CMIP: variants seen among roughly 807,000 people sequenced by gnomAD.
The protein encoded by CMIP is C-Maf-inducing protein.
In CMIP, 13 loss-of-function variants were observed where a neutral mutation model predicts 97.3. The observed-to-expected ratio is 0.13, with a 90% confidence interval of 0.09 to 0.21. The LOEUF (loss-of-function observed/expected upper bound fraction) is 0.21, where lower values mean the gene tolerates loss of function less well. Among genes scored for constraint, CMIP ranks in the 10% least tolerant of loss-of-function variants. The pLI is 1.00. For synonymous variants in CMIP, 538 were observed against 436.3 expected, an observed-to-expected ratio of 1.23 and a Z score of -2.91; for missense variants, 847 against 1,024.9, an observed-to-expected ratio of 0.83 and a Z score of 2.37.
At chr16:81,667,233 A>C (rs1468855058) in intron 7 of CMIP, 2 of 152,234 alleles carry the variant, frequency 1.3e-5, no homozygotes, top group African/African-American at 4.8e-5. Flanking sequence ...TGAGAGTCTC[A>C]AAGAATGTTC....
At chr16:81,513,291 G>C (rs2089849411) in intron 1 of CMIP, among the ~76,000 whole-genome samples, 1 of 152,232 alleles carries the variant, frequency 6.6e-6, no homozygotes, top group Non-Finnish European at 1.5e-5. Flanking sequence ...CTATTCAGAG[G>C]AGCCGCCTTT....
At chr16:81,696,740 C>T (rs770359563) in intron 14 of CMIP, 73 bp downstream of exon 14, 9 of 1,390,928 alleles carry the variant, frequency 6.5e-6, no homozygotes, top group African/African-American at 1.4e-5. Flanking sequence ...GTAAAACAGC[C>T]GTCCCCCATC....
At chr16:81,452,582 G>A (rs1021471207) in intron 1 of CMIP, among the ~76,000 whole-genome samples, 1 of 152,076 alleles carries the variant, frequency 6.6e-6, no homozygotes, top group Non-Finnish European at 1.5e-5. Context: ...TAGTGGTCAG[G>A]GAAGCGGGTG....
chr16:81,594,862 C>T lies in CMIP; in HGVS notation c.301-12705C>T, dbSNP rs190355919. ...AGCCAGAATGGTCTCAATCTCCTGACCTCATGATCCGCCCGCCTCGGCCTC... is the reference window on the plus strand; with the variant it reads ...AGCCAGAATGGTCTCAATCTCCTGATCTCATGATCCGCCCGCCTCGGCCTC... On this transcript the variant is annotated intron_variant, in intron 1 of 20. Coordinates refer to ENST00000537098, the MANE Select transcript of CMIP (RefSeq NM_198390.3). Among the ~76,000 whole-genome samples, 635 of 149,354 alleles carry T rather than the reference C, an allele frequency of 4.3e-3. 4 individuals are homozygous for T. Among genetic ancestry groups the T allele is most frequent in the African/African-American group, 0.015 (601 of 40,432 alleles).
chr16:81,594,554 C>G lies in CMIP; in HGVS notation c.301-13013C>G, dbSNP rs183864167. ...TGGATGCCTGAGACCTCGAATAGTA[C>G]TAAATCCTATATACACTGTGTTTTT... On this transcript the variant is annotated intron_variant, in intron 1 of 20. Transcript: ENST00000537098. 4.6e-5 allele frequency among the ~76,000 whole-genome samples: 7 copies of G among 152,244 alleles called. No homozygotes were observed. In the East Asian group the frequency reaches 1.4e-3, roughly 30 times the overall value.
At chr16:81,508,111 A>G (rs7206497) in intron 1 of CMIP, among the ~76,000 whole-genome samples, 2,190 of 152,362 alleles carry the variant, frequency 0.014, 52 homozygotes, top group African/African-American at 0.05. Context: ...AGACAAAGTG[A>G]GTGCTACATC....
intron 1 of CMIP, among the ~76,000 whole-genome samples, chr16:81,482,823 G>A (rs75102891): frequency 4.6e-5 from 7 of 152,230 alleles, no homozygotes; most frequent in Non-Finnish European, 1.5e-5. Flanking sequence ...CTGTAAAATG[G>A]GGGTGAGATA....
intron 3 of CMIP, among the ~76,000 whole-genome samples, chr16:81,629,068 G>A (rs994739791): frequency 1.3e-4 from 19 of 149,388 alleles, no homozygotes; most frequent in African/African-American, 4.0e-4. Flanking sequence ...CCCGGGAGGC[G>A]GAGGTTGCAG....
At chr16:81,459,729 G>T (rs1906789884) in intron 1 of CMIP, among the ~76,000 whole-genome samples, 1 of 152,172 alleles carries the variant, frequency 6.6e-6, no homozygotes. Flanking sequence ...GTGCTCTCTG[G>T]ATTTTATAGA....
At chr16:81,530,034 C>G (rs556221447) in intron 1 of CMIP, among the ~76,000 whole-genome samples, 39 of 152,292 alleles carry the variant, frequency 2.6e-4, no homozygotes, top group African/African-American at 9.4e-4. Flanking sequence ...GGGTTTTTGG[C>G]TGGGGACAGT....
rs148316254 is a variant in CMIP, at chr16:81,572,836, G to A, written c.301-34731G>A. Among the ~76,000 whole-genome samples, 9 of 152,238 alleles carry A rather than the reference G, an allele frequency of 5.9e-5. No individual in the cohort carries two copies. The East Asian group carries it at 1.7e-3, about 29-fold the overall frequency. On this transcript the variant is annotated intron_variant, in intron 1 of 20. Coordinates refer to ENST00000537098, the MANE Select transcript of CMIP (RefSeq NM_198390.3). ...AGCTTGGTGCCCACCCTGCTAGCCTGCCTGGGACTTCCCCAGCATTAGCAC... is the reference window on the plus strand; with the variant it reads ...AGCTTGGTGCCCACCCTGCTAGCCTACCTGGGACTTCCCCAGCATTAGCAC...
chr16:81,703,466 CACAG>C lies in CMIP; in HGVS notation c.1945-469_1945-466del, dbSNP rs1204882665. 2.0e-5 allele frequency among the ~76,000 whole-genome samples: 3 copies of C among 152,080 alleles called. No individual in the cohort carries two copies. In the East Asian group the frequency reaches 5.8e-4, roughly 29 times the overall value. ...AGGCAGCCAGTCACACACCCTGATG[CACAG>C]ACACAGACACACAGAGACACACCAA... On this transcript the variant is annotated intron_variant, in intron 17 of 20. Transcript: ENST00000537098.
At chr16:81,496,566 G>A (rs1450249324) in intron 1 of CMIP, among the ~76,000 whole-genome samples, 1 of 152,190 alleles carries the variant, frequency 6.6e-6, no homozygotes, top group African/African-American at 2.4e-5. Flanking sequence ...AATGGATGAC[G>A]ATGTCTCAAA....
rs371649139 is a variant in CMIP at position 81,677,765 on chromosome 16, A to T, written c.1035-510A>T. 1.3e-4 allele frequency among the ~76,000 whole-genome samples: 20 copies of T among 152,314 alleles called. No homozygotes were observed. In the East Asian group the frequency reaches 3.7e-3, roughly 28 times the overall value. On this transcript the variant is annotated intron_variant, in intron 9 of 20. Transcript: ENST00000537098. ...GGGGGTTCCGCAGACAGAAGGGCAGATACTGAGCTTGCTCACTTGGCTGGG... is the reference window on the plus strand; with the variant it reads ...GGGGGTTCCGCAGACAGAAGGGCAGTTACTGAGCTTGCTCACTTGGCTGGG...
intron 1 of CMIP, among the ~76,000 whole-genome samples, chr16:81,522,216 G>T (rs2090042118): frequency 6.6e-6 from 1 of 152,198 alleles, no homozygotes; most frequent in South Asian, 2.1e-4. Context: ...ATTGGCGATC[G>T]ATGATGTCAC....
intron 1 of CMIP, among the ~76,000 whole-genome samples, chr16:81,556,153 C>G (rs867133981): frequency 6.6e-6 from 1 of 152,164 alleles, no homozygotes; most frequent in Non-Finnish European, 1.5e-5. Flanking sequence ...AGGAGTAGAA[C>G]AGTCCACTTA....
chr16:81,617,749 A>T (rs2150956977), intron 2 of CMIP, among the ~76,000 whole-genome samples: 1 of 152,276 alleles, frequency 6.6e-6, no homozygotes, highest in South Asian at 2.1e-4. Context: ...CAGAAATAAG[A>T]CCCTGCCCTC....
chr16:81,620,819 C>T, intron 2 of CMIP, 57 bp from the exon 3 acceptor site: 1 of 1,606,318 alleles, frequency 6.2e-7, no homozygotes, highest in South Asian at 1.1e-5. Context: ...CCTTGAAATG[C>T]CCTGAGATGC....
Position 81,473,177 on chromosome 16 carries a change from C to T in CMIP, c.300+27636C>T, listed in dbSNP as rs532785387. The stretch of plus-strand genomic sequence containing the variant: ...CTCCTGCTGCACTGGTGGCCACCGC[C>T]TGCAAGTGCTTATGTCGGCCTCTGT... On this transcript the variant is annotated intron_variant, in intron 1 of 20. Coordinates refer to ENST00000537098, the MANE Select transcript of CMIP (RefSeq NM_198390.3). 1.2e-3 allele frequency among the ~76,000 whole-genome samples: 186 copies of T among 152,378 alleles called. No individual in the cohort carries two copies. The Middle Eastern group carries it at 0.024, about 20-fold the overall frequency.
Sources: gnomAD v4.1 joint callset for allele counts (sites outside exome capture counted in the v4.1 genomes callset) on GRCh38, gnomAD v4.1.1 for gene constraint, MANE v1.5 for transcripts, NCBI Gene and HGNC (gene_info 2026-07-23, HGNC 2026-07-21) for gene names.